NELL2: variants seen among roughly 807,000 people sequenced by gnomAD.
NELL2 encodes the protein neural EGFL like 2.
A neutral mutation model predicts 109.6 loss-of-function variants in NELL2; 41 were observed. That is an observed-to-expected ratio of 0.37 (90% CI 0.29 to 0.49). The LOEUF is 0.49. Among genes scored for constraint, NELL2 ranks in the 20% least tolerant of loss-of-function variants. NELL2 has a pLI of 0.98. For missense variants in NELL2, 900 were observed against 1,008.3 expected, an observed-to-expected ratio of 0.89 and a Z score of 1.45; for synonymous variants, 355 against 344.7, an observed-to-expected ratio of 1.03 and a Z score of -0.33.
At chr12:44,899,083 A>G (rs1466401524) in intron 1 of NELL2, among the ~76,000 whole-genome samples, 2 of 151,764 alleles carry the variant, frequency 1.3e-5, no homozygotes, top group Non-Finnish European at 2.9e-5. Context: ...AAAACAAAAA[A>G]AACAAAGCCT....
chr12:44,912,909 T>C (rs1945795445), intron 1 of NELL2, among the ~76,000 whole-genome samples: 1 of 152,188 alleles, frequency 6.6e-6, no homozygotes, highest in African/African-American at 2.4e-5. Context: ...ACTAGCTATA[T>C]GACCTTGGGC....
intron 9 of NELL2, among the ~76,000 whole-genome samples, chr12:44,740,042 C>T (rs1476803800): frequency 2.6e-5 from 4 of 152,146 alleles, no homozygotes; most frequent in Non-Finnish European, 5.9e-5. Context: ...ACCAAAAATA[C>T]TTATTGTCTC....
intron 1 of NELL2, among the ~76,000 whole-genome samples, chr12:44,903,065 A>T (rs1945679937): frequency 6.6e-6 from 1 of 152,238 alleles, no homozygotes; most frequent in Non-Finnish European, 1.5e-5. Context: ...GATCTAATTA[A>T]AGAGCTTCTG....
chr12:44,729,754 T>A (rs779850951), intron 9 of NELL2, among the ~76,000 whole-genome samples: 1 of 151,950 alleles, frequency 6.6e-6, no homozygotes, highest in Non-Finnish European at 1.5e-5. Context: ...GTACTAGGAT[T>A]ACAGGCGTGA....
intron 15 of NELL2, among the ~76,000 whole-genome samples, chr12:44,536,127 C>T (rs1445655808): frequency 6.6e-6 from 1 of 151,890 alleles, no homozygotes; most frequent in Non-Finnish European, 1.5e-5. Flanking sequence ...AAACTTCCCA[C>T]TAGAAGGCAT....
At chr12:44,618,018 T>A (rs1945905267) in intron 13 of NELL2, among the ~76,000 whole-genome samples, 1 of 152,186 alleles carries the variant, frequency 6.6e-6, no homozygotes, top group Non-Finnish European at 1.5e-5. Flanking sequence ...TGCTGACATA[T>A]TGAGCAACAG....
intron 15 of NELL2, among the ~76,000 whole-genome samples, chr12:44,543,254 C>T (rs1437856514): frequency 6.6e-6 from 1 of 152,126 alleles, no homozygotes; most frequent in African/African-American, 2.4e-5. Flanking sequence ...ATTCATTCCT[C>T]TTTTTCTTGC....
intron 13 of NELL2, among the ~76,000 whole-genome samples, chr12:44,641,318 T>A (rs1946845676): frequency 6.6e-6 from 1 of 152,118 alleles, no homozygotes; most frequent in African/African-American, 2.4e-5. Flanking sequence ...TTTTTAGGAG[T>A]AAGTAATAAA....
At chr12:44,747,447 A>G (rs3858727) in intron 9 of NELL2, among the ~76,000 whole-genome samples, 73,119 of 146,974 alleles carry the variant, frequency 0.5, 18,582 homozygotes, top group Non-Finnish European at 0.58. Flanking sequence ...CTTCAAGTAT[A>G]ATAATAATAA....
chr12:44,792,651 C>A (rs1036614351), intron 3 of NELL2, among the ~76,000 whole-genome samples: 1 of 151,914 alleles, frequency 6.6e-6, no homozygotes, highest in African/African-American at 2.4e-5. Flanking sequence ...TAAGAAAAAT[C>A]AACTAGATGG....
intron 13 of NELL2, among the ~76,000 whole-genome samples, chr12:44,640,502 A>G (rs774998055): frequency 1.3e-5 from 2 of 152,208 alleles, no homozygotes; most frequent in African/African-American, 2.4e-5. Context: ...ATAAACAACC[A>G]TACTAACAAC....
Position 44,735,112 on chromosome 12 carries a change from G to A in NELL2, c.995-20371C>T, listed in dbSNP as rs561144258. Among the ~76,000 whole-genome samples, 14 of 152,056 alleles carry A rather than the reference G, an allele frequency of 9.2e-5. No individual in the cohort carries two copies. The Middle Eastern group carries it at 0.017, about 185-fold the overall frequency. On this transcript the variant is annotated intron_variant, in intron 9 of 19. Transcript: ENST00000429094. ...AATTTTTCTGAATGTTCACTTTACC[G>A]TGTCTAGATCTCATGTCTTCCTGTT...
At chr12:44,780,059 T>A in intron 3 of NELL2, 37 bp from the exon 4 acceptor site, 1 of 1,600,582 alleles carries the variant, frequency 6.2e-7, no homozygotes, top group Admixed American at 1.7e-5. Context: ...ACATTAAAAA[T>A]AAAGTTCAAA....
At chr12:44,560,789 C>T (rs1245091863) in intron 15 of NELL2, among the ~76,000 whole-genome samples, 1 of 152,060 alleles carries the variant, frequency 6.6e-6, no homozygotes, top group Non-Finnish European at 1.5e-5. Context: ...TGAAACTAAC[C>T]AAACAATAGA....
intron 12 of NELL2, among the ~76,000 whole-genome samples, chr12:44,699,479 T>C (rs1171008486): frequency 1.3e-5 from 2 of 152,082 alleles, no homozygotes; most frequent in Non-Finnish European, 2.9e-5. Flanking sequence ...GGAGAAAGGG[T>C]ACAGAAGTTA....
rs138238061 is a variant in NELL2, at chr12:44,794,476, T to TAGTA, written c.336-14458_336-14455dup. On this transcript the variant is annotated intron_variant, in intron 3 of 19. Coordinates refer to ENST00000429094, the MANE Select transcript of NELL2 (RefSeq NM_001145108.2). ...GCGCAGCAAGGAAGGGAGGAGCAGG[T>TAGTA]AGTACCTCCTTGTGCTGGCAGCAAC... Among the ~76,000 whole-genome samples, 1,117 of 152,200 alleles carry TAGTA rather than the reference T, an allele frequency of 7.3e-3. 19 individuals carry two copies. The highest frequency in any genetic ancestry group is 0.026 in the African/African-American group (1,064 of 41,506).
intron 1 of NELL2, among the ~76,000 whole-genome samples, chr12:44,896,603 A>T (rs941915474): frequency 4.6e-5 from 7 of 152,220 alleles, no homozygotes; most frequent in African/African-American, 1.7e-4. Context: ...TATTGAGTAA[A>T]GCAATATGTA....
intron 1 of NELL2, among the ~76,000 whole-genome samples, chr12:44,885,955 A>AT (rs1945465822): frequency 6.6e-6 from 1 of 151,802 alleles, no homozygotes; most frequent in Admixed American, 6.6e-5. Flanking sequence ...GGAATAAAGT[A>AT]AAGAGCATAG....
chr12:44,620,784 G>A lies in NELL2; in HGVS notation c.1445-9814C>T, dbSNP rs11182570. On this transcript the variant is annotated intron_variant, in intron 13 of 19. Coordinates refer to ENST00000429094, the MANE Select transcript of NELL2 (RefSeq NM_001145108.2). ...CCATCTCTATCCCCATTGCTCTGCA[G>A]GTGCCCCAAACTGGGCACTAAATAG... Among the ~76,000 whole-genome samples, 183 of 152,142 alleles carry A rather than the reference G, an allele frequency of 1.2e-3. 3 individuals carry two copies. The East Asian group carries it at 0.026, about 22-fold the overall frequency.
Sources: allele counts gnomAD v4.1 joint callset (sites outside exome capture counted in the v4.1 genomes callset), GRCh38; gene constraint gnomAD v4.1.1; transcripts MANE v1.5; gene names NCBI Gene and HGNC (gene_info 2026-07-23, HGNC 2026-07-21).